Variants in NTM observed in about 807,000 individuals in gnomAD.
NTM encodes IgLON family member 2.
NTM carries 13 observed loss-of-function variants against 42.1 expected under a neutral mutation model. The observed-to-expected ratio is 0.31, with a 90% CI of 0.20 to 0.49. NTM has a LOEUF of 0.49. NTM is among the 20% of genes least tolerant of loss of function. The pLI is 0.99. For missense variants in NTM, 373 were observed against 452.8 expected (o/e 0.82, Z 1.60); for synonymous variants, 187 against 179.2 (o/e 1.04, Z -0.35).
rs190295797 is a variant in NTM at position 131,565,074 on chromosome 11, A to G, written c.82+194186A>G. Among the ~76,000 whole-genome samples, 249 of 152,300 alleles carry G rather than the reference A, an allele frequency of 1.6e-3. 2 individuals are homozygous for G. Among genetic ancestry groups the G allele is most frequent in the African/African-American group, 5.7e-3 (235 of 41,566 alleles). On this transcript the variant is annotated intron_variant, in intron 1 of 8. Transcript: ENST00000683400. ...AGATGCTTGCGGTACCTCCCCCTGC[A>G]TGAGAAGAACAGCACTTCTGAGGGA... is the stretch of plus-strand genomic sequence containing the variant.
At chr11:132,191,662 G>T (rs1229598568) in intron 3 of NTM, among the ~76,000 whole-genome samples, 1 of 152,134 alleles carries the variant, frequency 6.6e-6, no homozygotes, top group Admixed American at 6.5e-5. Flanking sequence ...ACCCAGCAAT[G>T]GTTCTTAAGC....
intron 1 of NTM, among the ~76,000 whole-genome samples, chr11:131,846,647 A>T (rs952022216): frequency 6.6e-6 from 1 of 152,094 alleles, no homozygotes; most frequent in African/African-American, 2.4e-5. Context: ...TAACTATTGT[A>T]TATGTTATTA....
At chr11:132,087,190 A>G (rs918993054) in intron 2 of NTM, among the ~76,000 whole-genome samples, 1 of 152,112 alleles carries the variant, frequency 6.6e-6, no homozygotes, top group African/African-American at 2.4e-5. Context: ...GGTGCCACCC[A>G]TGGTTGTCAG....
At chr11:132,161,289 T>C (rs935273768) in intron 3 of NTM, among the ~76,000 whole-genome samples, 2 of 151,900 alleles carry the variant, frequency 1.3e-5, no homozygotes, top group African/African-American at 4.8e-5. Context: ...GACACCCTTC[T>C]TCCTTTCCAT....
At chr11:131,835,855 T>A (rs1161437173) in intron 1 of NTM, among the ~76,000 whole-genome samples, 2 of 152,176 alleles carry the variant, frequency 1.3e-5, no homozygotes, top group Non-Finnish European at 2.9e-5. Context: ...TAGGGACATA[T>A]CCACCCAATG....
chr11:131,884,365 C>T (rs372093214), intron 1 of NTM, among the ~76,000 whole-genome samples: 6 of 152,052 alleles, frequency 3.9e-5, no homozygotes, highest in South Asian at 4.2e-4. Flanking sequence ...GCAGAGATCG[C>T]GCTATTGCAC....
intron 1 of NTM, among the ~76,000 whole-genome samples, chr11:131,729,891 G>A (rs1205981561): frequency 6.6e-6 from 1 of 151,714 alleles, no homozygotes; most frequent in Non-Finnish European, 1.5e-5. Context: ...CATTAAGAAA[G>A]CATCTATGAA....
chr11:131,602,499 C>T (rs140734963), intron 1 of NTM, among the ~76,000 whole-genome samples: 1 of 152,308 alleles, frequency 6.6e-6, no homozygotes, highest in African/African-American at 2.4e-5. Flanking sequence ...CATAGAGTTC[C>T]CAGTGTTTTC....
intron 1 of NTM, among the ~76,000 whole-genome samples, chr11:131,721,675 A>G (rs1050698255): frequency 1.3e-5 from 2 of 152,082 alleles, no homozygotes; most frequent in Admixed American, 6.6e-5. Context: ...TGTATTGCCA[A>G]TATCTTAGGG....
Position 132,279,636 on chromosome 11 carries a change from G to A in NTM, c.527-28053G>A, listed in dbSNP as rs557071226. Among the ~76,000 whole-genome samples, 5 of 152,128 alleles carry A rather than the reference G, an allele frequency of 3.3e-5. No homozygotes were observed. The East Asian group carries it at 9.7e-4, about 29-fold the overall frequency. On this transcript the variant is annotated intron_variant, in intron 4 of 8. Transcript: ENST00000683400. Reference sequence around the variant, plus strand: ...ATTCCACCTGCCTGGAATCCTTTCCGCCATTGATCTTCCAGGCCTTTGTTT... The same window carrying A: ...ATTCCACCTGCCTGGAATCCTTTCCACCATTGATCTTCCAGGCCTTTGTTT...
intron 2 of NTM, among the ~76,000 whole-genome samples, chr11:132,035,996 A>G (rs192856548): frequency 1.3e-5 from 2 of 152,256 alleles, no homozygotes; most frequent in Non-Finnish European, 2.9e-5. Flanking sequence ...CGGGGGTGAC[A>G]AGGATGTAAT....
chr11:132,203,191 A>C (rs904217666), intron 3 of NTM, among the ~76,000 whole-genome samples: 3 of 152,210 alleles, frequency 2.0e-5, no homozygotes, highest in Non-Finnish European at 4.4e-5. Flanking sequence ...GCACATCAGC[A>C]GGGCGTGTGG....
At chr11:132,122,953 G>A (rs1023331081) in intron 2 of NTM, among the ~76,000 whole-genome samples, 2 of 152,088 alleles carry the variant, frequency 1.3e-5, no homozygotes, top group Admixed American at 6.6e-5. Context: ...CAAGGGAGAT[G>A]GAAAACATGG....
chr11:131,524,614 C>T (rs905300508), intron 1 of NTM, among the ~76,000 whole-genome samples: 1 of 152,210 alleles, frequency 6.6e-6, no homozygotes, highest in Non-Finnish European at 1.5e-5. Flanking sequence ...ACTGTTTTCT[C>T]CTCTGTAAAG....
At chr11:131,534,351 A>C (rs2051783823) in intron 1 of NTM, 1 of 152,216 alleles carries the variant, frequency 6.6e-6, no homozygotes, top group Admixed American at 6.5e-5. Context: ...ACATCAGACC[A>C]GACACACATG....
In NTM at chr11:132,322,786, T is replaced by A. The variant is rs1314222732; in HGVS notation, c.935-7367T>A. Among the ~76,000 whole-genome samples, 74 of 144,570 alleles carry A rather than the reference T, an allele frequency of 5.1e-4. 1 individual carries two copies. In the South Asian group the frequency reaches 9.8e-3, roughly 19 times the overall value. The allele number at this position is 144,570 out of a possible 152,430, so 94.8% of individuals were successfully genotyped here. ...TTGACCACATAGTTGGAAGTAAAGC[T>A]CTCCTCAGCAAATGTAAAAGAACAG... On this transcript the variant is annotated intron_variant, in intron 7 of 8. Transcript: ENST00000683400.
chr11:131,648,951 A>C (rs550198692), intron 1 of NTM, among the ~76,000 whole-genome samples: 3 of 152,220 alleles, frequency 2.0e-5, no homozygotes, highest in Non-Finnish European at 4.4e-5. Flanking sequence ...CATGAATTCA[A>C]AGGTAAAGTA....
chr11:131,483,858 A>G (rs1256327354), intron 1 of NTM, among the ~76,000 whole-genome samples: 2 of 152,244 alleles, frequency 1.3e-5, no homozygotes, highest in Non-Finnish European at 2.9e-5. Context: ...AGGCAGGACA[A>G]GGAAGACTTC....
At chr11:132,017,597 C>G (rs927440702) in intron 2 of NTM, among the ~76,000 whole-genome samples, 4 of 151,928 alleles carry the variant, frequency 2.6e-5, no homozygotes, top group Non-Finnish European at 5.9e-5. Flanking sequence ...TAGTGTAAGT[C>G]CTACAACTTT....
Sources: allele counts gnomAD v4.1 joint callset (sites outside exome capture counted in the v4.1 genomes callset), GRCh38; gene constraint gnomAD v4.1.1; transcripts MANE v1.5; gene names NCBI Gene and HGNC (gene_info 2026-07-23, HGNC 2026-07-21).